Variants in MYH15 observed in about 807,000 individuals in gnomAD.
MYH15 encodes the protein myosin heavy chain 15, also known as myosin-15.
Under a neutral mutation model 240.5 loss-of-function variants are expected in MYH15, and 227 were observed. The observed-to-expected ratio is 0.94, with a 90% CI of 0.85 to 1.05. The LOEUF (loss-of-function observed/expected upper bound fraction) is 1.05, where lower values mean the gene tolerates loss of function less well. MYH15 is among the 50% of genes least tolerant of loss of function. MYH15 has a pLI of 0.00. For synonymous variants in MYH15, 785 were observed against 796.7 expected, an observed-to-expected ratio of 0.99 and a Z score of 0.25; for missense variants, 2,217 against 2,247.5, an observed-to-expected ratio of 0.99 and a Z score of 0.27.
At chr3:108,404,936 T>C (rs1419660624) in intron 33 of MYH15, 3 of 152,536 alleles carry the variant, frequency 2.0e-5, no homozygotes, top group African/African-American at 7.2e-5. Context: ...CTTATACATA[T>C]AATCATTTAT....
rs1460968262 is a variant in MYH15, at chr3:108,421,148, T to C, written c.3769A>G (p.Lys1257Glu). Residue 1257 changes from lysine to glutamate, a missense_variant, in exon 28 of 41, where the codon AAG becomes GAG. Physicochemically the swap from Lys to Glu is moderately conservative, Grantham distance 56. Transcript: ENST00000693548. Reference sequence around the variant, plus strand: ...AGGTCATTTGCCAACTGAGTCACCTTATCTAGCTTTGCAGTTGCTTCATGC... The same window carrying C: ...AGGTCATTTGCCAACTGAGTCACCTCATCTAGCTTTGCAGTTGCTTCATGC... ...RLHEATAKLD[K>E]VTQLANDLAA... The C allele has an allele frequency of 1.2e-6, 2 of 1,614,040 alleles. No homozygotes were observed. The highest frequency in any genetic ancestry group is 1.7e-6 in the Non-Finnish European group (2 of 1,180,010).
chr3:108,457,212 G>T (rs1184836150), intron 18 of MYH15, among the ~76,000 whole-genome samples: 1 of 152,116 alleles, frequency 6.6e-6, no homozygotes, highest in Non-Finnish European at 1.5e-5. Context: ...GCTGCTCTAC[G>T]TTCATTTGCC....
intron 26 of MYH15, among the ~76,000 whole-genome samples, chr3:108,429,110 A>C (rs1461182997): frequency 6.6e-6 from 1 of 152,198 alleles, no homozygotes; most frequent in East Asian, 1.9e-4. Context: ...AGCTCATTAA[A>C]TTATATAGAT....
chr3:108,492,659 T>C lies in MYH15; in HGVS notation c.776-64A>G, dbSNP rs2083360333. 1.2e-5 allele frequency: 15 copies of C among 1,276,034 alleles called. No individual in the cohort carries two copies. In the South Asian group the frequency reaches 1.7e-4, roughly 15 times the overall value. The allele number at this position is 1,276,034 out of a possible 1,614,324, so 79.0% of individuals were successfully genotyped here. On this transcript the variant is annotated intron_variant, in intron 8 of 40. Coordinates refer to ENST00000693548, the MANE Select transcript of MYH15 (RefSeq NM_014981.3). ...ATTCTTGCAAAATGTAGAAGAAAAG[T>C]AATCAGGCTGAGCGCAGTGGCTCAC... is the stretch of plus-strand genomic sequence containing the variant.
chr3:108,408,950 C>T (rs528922230), intron 31 of MYH15, among the ~76,000 whole-genome samples: 1 of 152,168 alleles, frequency 6.6e-6, no homozygotes, highest in South Asian at 2.1e-4. Flanking sequence ...TTTTCCTAGC[C>T]TCTCATGAAC....
intron 35 of MYH15, among the ~76,000 whole-genome samples, chr3:108,395,797 G>A (rs867362112): frequency 2.0e-4 from 31 of 152,250 alleles, no homozygotes; most frequent in Middle Eastern, 3.4e-3. Context: ...GCAGGAGGTA[G>A]CTAAGAAGGC....
At chr3:108,395,026 G>A (rs1010897474) in intron 35 of MYH15, among the ~76,000 whole-genome samples, 33 of 152,160 alleles carry the variant, frequency 2.2e-4, no homozygotes, top group African/African-American at 7.7e-4. Context: ...AGCACTTTGG[G>A]AGGCTGACGG....
At chr3:108,535,629 T>G in the MYH15 span, among the ~76,000 whole-genome samples, 1 of 152,180 alleles carries the variant, frequency 6.6e-6, no homozygotes, top group African/African-American at 2.4e-5. Flanking sequence ...AAGATTTTAA[T>G]ATACACCCAA....
At chr3:108,500,325 G>A in intron 3 of MYH15, 51 bp from the exon 4 acceptor site, 1 of 1,561,572 alleles carries the variant, frequency 6.4e-7, no homozygotes. Flanking sequence ...AATACTTCCA[G>A]GTTTGTCAGC....
At chr3:108,422,220 CT>C (rs35897568) in intron 27 of MYH15, among the ~76,000 whole-genome samples, 83,804 of 122,754 alleles carry the variant, frequency 0.68, 27,557 homozygotes, top group Non-Finnish European at 0.77. Context: ...TTTTTATTAT[CT>C]TTTTTTTTTT....
chr3:108,408,442 G>C (rs2082563108), intron 31 of MYH15, 38 bp from the exon 32 acceptor site: 1 of 1,580,282 alleles, frequency 6.3e-7, no homozygotes, highest in Non-Finnish European at 8.6e-7. Context: ...TTAGTGAATG[G>C]GCTCAGTCTC....
chr3:108,466,019 G>A (rs2083113853), intron 14 of MYH15, among the ~76,000 whole-genome samples: 1 of 152,190 alleles, frequency 6.6e-6, no homozygotes, highest in African/African-American at 2.4e-5. Flanking sequence ...GTTTCTGTCA[G>A]ACCCTTGCCA....
At chr3:108,493,032 A>AGGAAGGAC in intron 8 of MYH15, 82 bp downstream of exon 8, 1 of 1,089,284 alleles carries the variant, frequency 9.2e-7, no homozygotes, top group Admixed American at 1.9e-5. Context: ...AAAGGAAGGA[A>AGGAAGGAC]GGAAGGAAGG....
At chr3:108,469,378 C>T (rs937771229) in intron 14 of MYH15, among the ~76,000 whole-genome samples, 1 of 152,206 alleles carries the variant, frequency 6.6e-6, no homozygotes, top group Admixed American at 6.5e-5. Flanking sequence ...TGCTTGCTCC[C>T]ATGGAGAAAG....
At chr3:108,468,412 T>A (rs1362407858) in intron 14 of MYH15, among the ~76,000 whole-genome samples, 2 of 152,210 alleles carry the variant, frequency 1.3e-5, no homozygotes, top group Admixed American at 1.3e-4. Flanking sequence ...AAACATCCCA[T>A]TATGCATTTT....
At chr3:108,477,215 G>C (rs1200952409) in intron 11 of MYH15, among the ~76,000 whole-genome samples, 2 of 152,150 alleles carry the variant, frequency 1.3e-5, no homozygotes, top group African/African-American at 4.8e-5. Flanking sequence ...AAAGGAGTCA[G>C]ACACGAAAGG....
chr3:108,428,837 G>C lies in MYH15; in HGVS notation c.3357C>G (p.Thr1119=). 6.2e-7 allele frequency: 1 copy of C among 1,612,182 alleles called. No individual in the cohort carries two copies. The highest frequency in any genetic ancestry group is 8.5e-7 in the Non-Finnish European group (1 of 1,179,486). The change falls in exon 27 of 41, where the codon ACC becomes ACG. Residue 1119 remains threonine, a synonymous_variant. Coordinates refer to ENST00000693548, the MANE Select transcript of MYH15 (RefSeq NM_014981.3). ...TCTCCCTTTCCATCTTGGCTCGAGT[G>C]GTCCTTTCAGCTTCTAGTTTCTCTT... is the stretch of plus-strand genomic sequence containing the variant. ...DLKEKLEAER[T]TRAKMERERA...
intron 23 of MYH15, 69 bp from the exon 24 acceptor site, chr3:108,439,982 T>G: frequency 7.3e-7 from 1 of 1,362,310 alleles, no homozygotes; most frequent in East Asian, 2.5e-5. Flanking sequence ...TGAGGGTCAT[T>G]TCTCTTCTGT....
At chr3:108,490,209 A>G (rs1207128726) in intron 9 of MYH15, among the ~76,000 whole-genome samples, 2 of 152,236 alleles carry the variant, frequency 1.3e-5, no homozygotes, top group African/African-American at 4.8e-5. Context: ...TGCTGCTTAC[A>G]TGACACCAAT....
Sources: gnomAD v4.1 joint callset for allele counts (sites outside exome capture counted in the v4.1 genomes callset) on GRCh38, gnomAD v4.1.1 for gene constraint, MANE v1.5 for transcripts, NCBI Gene and HGNC (gene_info 2026-07-23, HGNC 2026-07-21) for gene names.